Variants in TM9SF2 observed in about 807,000 individuals in gnomAD.
The protein encoded by TM9SF2 is 76 kDa membrane protein.
TM9SF2 carries 13 observed loss-of-function variants against 84.9 expected under a neutral mutation model. That is an observed-to-expected ratio of 0.15 (90% CI 0.10 to 0.24). The LOEUF is 0.24. TM9SF2 is among the 10% of genes least tolerant of loss of function. TM9SF2 has a pLI of 1.00. For synonymous variants in TM9SF2, 273 were observed against 285.8 expected, an observed-to-expected ratio of 0.96 and a Z score of 0.45; for missense variants, 562 against 818.5, an observed-to-expected ratio of 0.69 and a Z score of 3.82.
chr13:99,503,796 C>T (rs1331563806), intron 1 of TM9SF2, among the ~76,000 whole-genome samples: 1 of 151,320 alleles, frequency 6.6e-6, no homozygotes, highest in East Asian at 1.9e-4. Flanking sequence ...AGGTGGTCTT[C>T]CAGTTAGATG....
intron 11 of TM9SF2, among the ~76,000 whole-genome samples, chr13:99,548,479 G>C (rs1374523874): frequency 1.3e-5 from 2 of 152,138 alleles, no homozygotes; most frequent in African/African-American, 4.8e-5. Flanking sequence ...GCTGTTCTGA[G>C]ATCTCAGCCA....
At chr13:99,510,569 TGG>T (rs1385031272) in intron 1 of TM9SF2, among the ~76,000 whole-genome samples, 1 of 152,122 alleles carries the variant, frequency 6.6e-6, no homozygotes, top group African/African-American at 2.4e-5. Context: ...GCGTGTCATA[TGG>T]TTACACAGGA....
Position 99,541,587 on chromosome 13 carries a change from T to C in TM9SF2, c.937T>C (p.Phe313Leu). The change falls in exon 9 of 17, where the codon TTC becomes CTC. Residue 313 changes from phenylalanine to leucine, a missense_variant. Transcript: ENST00000376387. ...TATGAATTCCCTGGTCATTGTTCTC[T>C]TCTTATCTGGAATGGTAGCTATGAT... ...SIMNSLVIVLFLSGMVAMIML... is the reference protein window; with the variant it reads ...SIMNSLVIVLLLSGMVAMIML... 6.2e-7 allele frequency: 1 copy of C among 1,613,272 alleles called. No individual in the cohort carries two copies. Among genetic ancestry groups the C allele is most frequent in the Non-Finnish European group, 8.5e-7 (1 of 1,179,506 alleles).
At chr13:99,531,966 T>C (rs2046212005) in intron 4 of TM9SF2, among the ~76,000 whole-genome samples, 1 of 152,220 alleles carries the variant, frequency 6.6e-6, no homozygotes, top group South Asian at 2.1e-4. Context: ...CTTCTCATAT[T>C]AGCCCTATCC....
rs551864828 is a variant in TM9SF2, at chr13:99,508,783, A to C, written c.171+7006A>C. Among the ~76,000 whole-genome samples the C allele has an allele frequency of 2.4e-4, 37 of 152,268 alleles. No individual in the cohort carries two copies. The South Asian group carries it at 6.6e-3, about 27-fold the overall frequency. ...AAGCAGATCTCACAAGGACTCACTC[A>C]CCATCATGAGGGCAGCACCAAGGGA... On this transcript the variant is annotated intron_variant, in intron 1 of 16. Transcript: ENST00000376387.
At chr13:99,558,830 A>C (rs1279987088) in intron 15 of TM9SF2, among the ~76,000 whole-genome samples, 1 of 152,132 alleles carries the variant, frequency 6.6e-6, no homozygotes, top group African/African-American at 2.4e-5. Context: ...AGAGATAGTG[A>C]AGTGTTCTCT....
intron 1 of TM9SF2, 52 bp downstream of exon 1, chr13:99,501,829 C>A (rs939822898): frequency 1.9e-6 from 3 of 1,562,438 alleles, no homozygotes; most frequent in Admixed American, 4.1e-5. Flanking sequence ...GGGAAGTCGT[C>A]CCTATCCGGG....
chr13:99,539,034 T>C (rs1276454022), intron 6 of TM9SF2, among the ~76,000 whole-genome samples: 1 of 151,744 alleles, frequency 6.6e-6, no homozygotes, highest in East Asian at 1.9e-4. Context: ...CAAGACCTTG[T>C]TTCTACAAAA....
intron 1 of TM9SF2, among the ~76,000 whole-genome samples, chr13:99,509,123 T>A (rs1286286867): frequency 6.6e-6 from 1 of 152,192 alleles, no homozygotes; most frequent in East Asian, 1.9e-4. Context: ...ACAAAGGGGC[T>A]ATAGGCATTG....
intron 10 of TM9SF2, among the ~76,000 whole-genome samples, chr13:99,546,747 C>G (rs1302532774): frequency 6.6e-6 from 1 of 152,176 alleles, no homozygotes; most frequent in African/African-American, 2.4e-5. Flanking sequence ...AGGATGTGAT[C>G]TCTCATTCTG....
chr13:99,554,307 A>G lies in TM9SF2; in HGVS notation c.1492A>G (p.Ile498Val). The G allele has an allele frequency of 1.9e-6, 3 of 1,610,816 alleles. No homozygotes were observed. The highest frequency in any genetic ancestry group is 2.5e-6 in the Non-Finnish European group (3 of 1,178,676). Residue 498 changes from isoleucine to valine, a missense_variant, in exon 14 of 17, where the codon ATT becomes GTT. Around this residue, in one of 4 missense-constraint regions of TM9SF2, gnomAD observed 219 missense variants for 338.1 expected, o/e 0.65. Coordinates refer to ENST00000376387, the MANE Select transcript of TM9SF2 (RefSeq NM_004800.3). ...GAYFGFKKNA[I>V]EHPVRTNQIP... ...TTCCTTCCTTTTTTTACTGAAGGCC[A>G]TTGAACACCCAGTTCGAACCAATCA...
intron 12 of TM9SF2, 150 bp from the exon 13 acceptor site, chr13:99,552,017 T>A: frequency 1.3e-6 from 1 of 752,740 alleles, no homozygotes; most frequent in African/African-American, 1.8e-5. Context: ...TAGTTTCTAG[T>A]CAAGTTTTAC....
chr13:99,558,359 A>T (rs992701647), intron 15 of TM9SF2, among the ~76,000 whole-genome samples: 2 of 152,240 alleles, frequency 1.3e-5, no homozygotes, highest in African/African-American at 4.8e-5. Flanking sequence ...CAAAAATTGA[A>T]TCATTGGATT....
intron 2 of TM9SF2, among the ~76,000 whole-genome samples, 176 bp downstream of exon 2, chr13:99,517,857 A>G (rs573153071): frequency 2.3e-4 from 35 of 152,320 alleles, no homozygotes; most frequent in African/African-American, 7.5e-4. Context: ...TTGTAATACA[A>G]CAGAAGCACT....
Position 99,552,245 on chromosome 13 carries a change from A to G in TM9SF2, c.1407A>G (p.Thr469=). The change falls in exon 13 of 17, where the codon ACA becomes ACG. Residue 469 remains threonine (T), a synonymous_variant. Transcript: ENST00000376387. ...EGSSAAIPFG[T]LVAILALWFC... ...CTTCAGCAGCTATTCCTTTTGGGAC[A>G]CTGGTTGCCATATTGGCCCTTTGGT... 1.2e-6 allele frequency: 2 copies of G among 1,614,182 alleles called. No individual in the cohort carries two copies. The highest frequency in any genetic ancestry group is 2.2e-5 in the East Asian group (1 of 44,878).
chr13:99,546,442 G>A (rs148277729), intron 10 of TM9SF2, among the ~76,000 whole-genome samples: 412 of 152,266 alleles, frequency 2.7e-3, no homozygotes, highest in African/African-American at 9.5e-3. Context: ...GGGTTTCCCC[G>A]TATTGCTGAC....
At chr13:99,510,510 G>A (rs2046109149) in intron 1 of TM9SF2, among the ~76,000 whole-genome samples, 4 of 152,154 alleles carry the variant, frequency 2.6e-5, no homozygotes, top group Admixed American at 2.0e-4. Context: ...CTGCTTCTGG[G>A]GAGGCCTCAG....
Position 99,559,365 on chromosome 13 carries a change from T to C in TM9SF2, c.1755T>C (p.Asp585=). The stretch of plus-strand genomic sequence containing the variant: ...GTTCTTTTTTCTTTACTACCTAGGA[T>C]TATCATTGGCAATGGCGTTCATTCC... The part of the protein sequence containing the change: ...LLCYFHLCAE[D]YHWQWRSFLT... Residue 585 remains aspartate, a splice_region_variant and synonymous_variant, in exon 16 of 17, where the codon GAT becomes GAC. Coordinates refer to ENST00000376387, the MANE Select transcript of TM9SF2 (RefSeq NM_004800.3). 1 of 1,590,068 alleles carries C rather than the reference T, an allele frequency of 6.3e-7. No individual in the cohort carries two copies. The highest frequency in any genetic ancestry group is 8.5e-7 in the Non-Finnish European group (1 of 1,170,278).
At chr13:99,520,880 AT>A (rs2046156667) in intron 3 of TM9SF2, among the ~76,000 whole-genome samples, 1 of 152,170 alleles carries the variant, frequency 6.6e-6, no homozygotes. Flanking sequence ...TAACCTTTCT[AT>A]TTTGATGTAT....
Sources: gnomAD v4.1 joint callset for allele counts (sites outside exome capture counted in the v4.1 genomes callset) on GRCh38, gnomAD v4.1.1 for gene constraint, gnomAD v4.1.1 regional missense constraint, MANE v1.5 for transcripts, NCBI Gene and HGNC (gene_info 2026-07-23, HGNC 2026-07-21) for gene names.